Variants in ARAF observed in about 807,000 individuals in gnomAD.
ARAF encodes serine/threonine-protein kinase A-Raf.
A neutral mutation model predicts 48.0 loss-of-function variants in ARAF; 18 were observed. The observed-to-expected ratio is 0.37, with a 90% CI of 0.26 to 0.56. ARAF has a LOEUF of 0.56. ARAF is among the 20% of genes least tolerant of loss of function. The pLI, the probability that ARAF is intolerant of heterozygous loss-of-function variation, is 0.77. For missense variants in ARAF, 389 were observed against 543.1 expected (o/e 0.72, Z 2.82); for synonymous variants, 207 against 220.1 (o/e 0.94, Z 0.53).
rs376069946 is a variant in ARAF, at chrX:47,567,451, G to A, written c.1076+19G>A. On this transcript the variant is annotated intron_variant, in intron 10 of 15. Coordinates refer to ENST00000377045, the MANE Select transcript of ARAF (RefSeq NM_001654.5). ...TGCTCAGGTGAGGTGGCATGTGTGC[G>A]TGGATGGGGGTGGCAGGCCCGGCCT... 210 of 1,183,109 alleles carry A rather than the reference G, an allele frequency of 1.8e-4. No homozygotes were observed. Among genetic ancestry groups the A allele is most frequent in the Non-Finnish European group, 2.3e-4 (199 of 880,547 alleles).
Position 47,563,070 on chromosome X carries a change from C to G in ARAF, c.96+7C>G. The G allele has an allele frequency of 8.4e-7, 1 of 1,190,040 alleles. No homozygotes were observed. On this transcript the variant is annotated splice_region_variant and intron_variant, in intron 2 of 15. Coordinates refer to ENST00000377045, the MANE Select transcript of ARAF (RefSeq NM_001654.5). ...CAACAAGCAACGCACGGTGGTGAGTCATGGAAGCGAAATGGCAGGGGCTGT... is the reference window on the plus strand; with the variant it reads ...CAACAAGCAACGCACGGTGGTGAGTGATGGAAGCGAAATGGCAGGGGCTGT...
In ARAF at chrX:47,562,925, G is replaced by A. The variant is rs1301240780; in HGVS notation, c.-43G>A. The A allele has an allele frequency of 9.4e-7, 1 of 1,059,501 alleles. No homozygotes were observed. The highest frequency in any genetic ancestry group is 3.3e-5 in the East Asian group (1 of 29,895). The allele number at this position is 1,059,501 out of a possible 1,213,427, so 87.3% of individuals were successfully genotyped here. A position where few individuals can be genotyped will look rare whatever the true frequency, so the allele number is the denominator to read the frequency against. On this transcript the variant is annotated 5_prime_UTR_variant, in exon 2 of 16. Transcript: ENST00000377045. ...TTCTTGTAGGAGCCCCATGGCACCT[G>A]CCCAGCCCCACCTCAGCCCATCTTG...
At chrX:47,563,530 A>G (rs1410822584) in intron 3 of ARAF, among the ~76,000 whole-genome samples, 1 of 112,210 alleles carries the variant, frequency 8.9e-6, no homozygotes, top group African/African-American at 3.2e-5. Flanking sequence ...CCCAATTGCT[A>G]TCAGTCGGAA....
chrX:47,561,807 G>A (rs2057709784), intron 1 of ARAF, among the ~76,000 whole-genome samples: 1 of 107,516 alleles, frequency 9.3e-6, no homozygotes, highest in Non-Finnish European at 1.9e-5. Context: ...TTTTCTCCCC[G>A]CAACACCATA....
At position 47,570,954 on chromosome X, in the gene ARAF, G is replaced by A. The variant is rs773486607; in HGVS notation, c.1628G>A (p.Arg543Gln). 18 of 1,210,667 alleles carry A rather than the reference G, an allele frequency of 1.5e-5. No individual in the cohort carries two copies. The highest frequency in any genetic ancestry group is 1.3e-4 in the Admixed American group (6 of 45,947). Residue 543 changes from arginine (R) to glutamine (Q), a missense_variant, in exon 15 of 16, where the codon CGG becomes CAG. Physicochemically the swap from Arg to Gln is conservative, Grantham distance 43. Around this residue, in one of 4 missense-constraint regions of ARAF, gnomAD observed 170 missense variants for 281.4 expected, o/e 0.60. Coordinates refer to ENST00000377045, the MANE Select transcript of ARAF (RefSeq NM_001654.5). ...KISSNCPKAMRRLLSDCLKFQ... is the reference protein window; with the variant it reads ...KISSNCPKAMQRLLSDCLKFQ... ...TCCAGCAACTGCCCCAAGGCCATGC[G>A]GCGCCTGCTGTCTGACTGCCTCAAG...
At chrX:47,569,510 G>C in intron 12 of ARAF, 29 bp from the exon 13 acceptor site, 1 of 1,154,114 alleles carries the variant, frequency 8.7e-7, no homozygotes, top group Non-Finnish European at 1.2e-6. Flanking sequence ...GCTATTAGGA[G>C]TCCCTGTAGT....
intron 3 of ARAF, among the ~76,000 whole-genome samples, chrX:47,564,580 G>A (rs1216891271): frequency 2.7e-5 from 3 of 112,220 alleles, no homozygotes; most frequent in African/African-American, 9.7e-5. Flanking sequence ...CATTACCCTT[G>A]TGGCCCAGGG....
At chrX:47,566,059 A>G (rs1160643220) in intron 6 of ARAF, 1 of 113,128 alleles carries the variant, frequency 8.8e-6, no homozygotes, top group Non-Finnish European at 1.8e-5. Flanking sequence ...TAACTTTACA[A>G]TATGTTTAGC....
rs1407119602 is a variant in ARAF at position 47,564,854 on chromosome X, C to T, written c.258C>T (p.Leu86=). 3.3e-6 allele frequency: 4 copies of T among 1,210,832 alleles called. No individual in the cohort carries two copies. The East Asian group carries it at 1.2e-4, about 36-fold the overall frequency. ...TTGCTCCCCTGGATGGCGAGGAGCT[C>T]ATTGTCGAGGTCCTTGAAGATGTCC... The part of the protein sequence containing the change: ...TAIAPLDGEE[L]IVEVLEDVPL... The change falls in exon 4 of 16, where the codon CTC becomes CTT. Residue 86 remains leucine (L), a synonymous_variant. Transcript: ENST00000377045.
At position 47,571,833 on chromosome X, in the gene ARAF, G is replaced by A; in HGVS notation, c.*376G>A. 1 of 205,892 alleles carries A rather than the reference G, an allele frequency of 4.9e-6. No individual in the cohort carries two copies. The allele number at this position is 205,892 out of a possible 1,213,427, so 17.0% of individuals were successfully genotyped here. On this transcript the variant is annotated 3_prime_UTR_variant, in exon 16 of 16. Transcript: ENST00000377045. ...CCCAGCACCCCATGTGGATTTTGGGGGGTCCCTTTTGTGTCTCCCCCGCCA... is the reference window on the plus strand; with the variant it reads ...CCCAGCACCCCATGTGGATTTTGGGAGGTCCCTTTTGTGTCTCCCCCGCCA...
At chrX:47,562,483 CAGAAAAA>C (rs1414198020) in intron 1 of ARAF, among the ~76,000 whole-genome samples, 1 of 59,951 alleles carries the variant, frequency 1.7e-5, no homozygotes, top group African/African-American at 8.0e-5. Context: ...GAAACTCTGT[CAGAAAAA>C]AAAAAAAACA....
chrX:47,570,138 A>C, intron 14 of ARAF, 114 bp downstream of exon 14: 5 of 922,358 alleles, frequency 5.4e-6, no homozygotes, highest in Non-Finnish European at 7.2e-6. Context: ...AGAAACCTAA[A>C]ATTTTCTAGG....
chrX:47,562,486 A>G (rs1603041676), intron 1 of ARAF, among the ~76,000 whole-genome samples: 1 of 51,689 alleles, frequency 1.9e-5, no homozygotes, highest in Non-Finnish European at 3.2e-5. Context: ...ACTCTGTCAG[A>G]AAAAAAAAAA....
At chrX:47,564,407 A>C (rs1476759814) in intron 3 of ARAF, among the ~76,000 whole-genome samples, 2 of 111,740 alleles carry the variant, frequency 1.8e-5, no homozygotes, top group African/African-American at 3.3e-5. Context: ...GGGTTTCCTT[A>C]ATTTATGATG....
chrX:47,564,533 G>C (rs756511455), intron 3 of ARAF, among the ~76,000 whole-genome samples: 1 of 112,125 alleles, frequency 8.9e-6, no homozygotes, highest in East Asian at 2.8e-4. Flanking sequence ...CTCCCCTTCC[G>C]TTTCAGAGCA....
intron 6 of ARAF, chrX:47,565,928 A>G (rs1230902523): frequency 6.4e-6 from 1 of 157,356 alleles, no homozygotes; most frequent in Admixed American, 9.7e-5. Context: ...GTAGAACATC[A>G]TACATGTTTA....
At chrX:47,562,829 T>C in intron 1 of ARAF, 80 bp from the exon 2 acceptor site, 2 of 499,591 alleles carry the variant, frequency 4.0e-6, no homozygotes, top group South Asian at 3.7e-5. Context: ...GCCTGGACTT[T>C]GAATTTTATT....
At position 47,563,206 on chromosome X, in the gene ARAF, A is replaced by C. The variant is rs987481739; in HGVS notation, c.97-20A>C. On this transcript the variant is annotated intron_variant, in intron 2 of 15. Coordinates refer to ENST00000377045, the MANE Select transcript of ARAF (RefSeq NM_001654.5). ...CTTCTGTTGGGCATTGAGGACCCCT[A>C]CATCTGCACATACACACAGGTGACT... 6 of 1,197,203 alleles carry C rather than the reference A, an allele frequency of 5.0e-6. No homozygotes were observed. The highest frequency in any genetic ancestry group is 6.8e-6 in the Non-Finnish European group (6 of 884,052).
intron 1 of ARAF, 138 bp from the exon 2 acceptor site, chrX:47,562,771 G>A: frequency 2.4e-6 from 1 of 412,374 alleles, no homozygotes. Flanking sequence ...ATGTGAGCAG[G>A]ATCTCTTGGA....
Sources: allele counts gnomAD v4.1 joint callset (sites outside exome capture counted in the v4.1 genomes callset), GRCh38; gene constraint gnomAD v4.1.1; regional missense constraint gnomAD v4.1.1; transcripts MANE v1.5; gene names NCBI Gene and HGNC (gene_info 2026-07-23, HGNC 2026-07-21).